The following GPR137B variants were observed in gnomAD, a reference collection of about 807,000 sequenced individuals.
GPR137B encodes the protein integral membrane protein GPR137B.
GPR137B carries 42 observed loss-of-function variants against 42.5 expected under a neutral mutation model. That is an observed-to-expected ratio of 0.99 (90% CI 0.77 to 1.28). The LOEUF (loss-of-function observed/expected upper bound fraction) is 1.28. GPR137B is among the 50% of genes most tolerant of loss of function. The probability of loss-of-function intolerance (pLI) is 0.00; values close to 1 mark genes in which losing one functional copy is unlikely to be tolerated. For missense variants in GPR137B, 487 were observed against 493.9 expected (o/e 0.99, Z 0.13); for synonymous variants, 218 against 209.7 (o/e 1.04, Z -0.34).
intron 5 of GPR137B, among the ~76,000 whole-genome samples, chr1:236,201,818 T>C (rs574201425): frequency 3.0e-4 from 46 of 152,208 alleles, no homozygotes; most frequent in African/African-American, 1.1e-3. Context: ...AGCCTTGTTA[T>C]AGAACCTTGT....
intron 1 of GPR137B, among the ~76,000 whole-genome samples, chr1:236,144,870 T>C (rs1331537584): frequency 6.6e-6 from 1 of 152,156 alleles, no homozygotes; most frequent in Non-Finnish European, 1.5e-5. Flanking sequence ...GCCACAGCTC[T>C]CTGGTAATCA....
intron 1 of GPR137B, among the ~76,000 whole-genome samples, chr1:236,164,184 A>C (rs1184124387): frequency 6.6e-6 from 1 of 152,132 alleles, no homozygotes; most frequent in Non-Finnish European, 1.5e-5. Flanking sequence ...CCTTTTTACA[A>C]TTCTTGGGTC....
At chr1:236,186,249 T>C (rs1469111778) in intron 5 of GPR137B, among the ~76,000 whole-genome samples, 58 of 44,442 alleles carry the variant, frequency 1.3e-3, no homozygotes, top group Non-Finnish European at 2.0e-3. Context: ...ATATAAATAA[T>C]ATATAATATA....
chr1:236,158,135 C>T (rs1662086172), intron 1 of GPR137B, among the ~76,000 whole-genome samples: 1 of 152,132 alleles, frequency 6.6e-6, no homozygotes, highest in African/African-American at 2.4e-5. Context: ...TATTAAACCA[C>T]AGCTGGGGCT....
intron 6 of GPR137B, among the ~76,000 whole-genome samples, chr1:236,205,537 A>C (rs975378495): frequency 4.6e-5 from 7 of 152,088 alleles, no homozygotes; most frequent in African/African-American, 1.7e-4. Context: ...AGGAAATGAT[A>C]ATCAACTTTT....
intron 5 of GPR137B, among the ~76,000 whole-genome samples, chr1:236,185,529 G>C (rs1332408040): frequency 6.6e-6 from 1 of 152,204 alleles, no homozygotes; most frequent in Non-Finnish European, 1.5e-5. Context: ...TGATCTGAAT[G>C]AACTGTAAAG....
At chr1:236,158,118 TTTTA>T (rs1411232874) in intron 1 of GPR137B, among the ~76,000 whole-genome samples, 3 of 152,112 alleles carry the variant, frequency 2.0e-5, no homozygotes, top group Admixed American at 2.0e-4. Flanking sequence ...GCTGTGTCAT[TTTTA>T]TTTATTAAAC....
Position 236,155,477 on chromosome 1 carries a change from G to A in GPR137B, c.414+12441G>A, listed in dbSNP as rs1216837130. On this transcript the variant is annotated intron_variant, in intron 1 of 6. Coordinates refer to ENST00000366592, the MANE Select transcript of GPR137B (RefSeq NM_003272.4). The surrounding 1 kb of genome is among the most constrained non-coding windows in gnomAD (Gnocchi z 4.6). ...CAGAAAAGCAGGGAGACTGAAGGAC[G>A]GCGTTTGGTGTGGCTTTAGGTTGAC... is the stretch of plus-strand genomic sequence containing the variant. Among the ~76,000 whole-genome samples the A allele has an allele frequency of 2.0e-5, 3 of 152,330 alleles. No homozygotes were observed. The highest frequency in any genetic ancestry group is 7.2e-5 in the African/African-American group (3 of 41,584).
Position 236,178,545 on chromosome 1 carries a change from A to G in GPR137B, c.596A>G (p.Asp199Gly). 6.2e-7 allele frequency: 1 copy of G among 1,613,332 alleles called. No individual in the cohort carries two copies. The highest frequency in any genetic ancestry group is 1.1e-5 in the South Asian group (1 of 91,044). ...VIVSVRVAIN[D>G]TLFVLCAVSL... Reference sequence around the variant, plus strand: ...GTCTCTGTGCGAGTGGCCATTAATGACACGCTCTTCGTGCTGTGTGCCGTC... The same window carrying G: ...GTCTCTGTGCGAGTGGCCATTAATGGCACGCTCTTCGTGCTGTGTGCCGTC... Residue 199 changes from aspartate to glycine, a missense_variant, in exon 3 of 7, where the codon GAC becomes GGC. Transcript: ENST00000366592.
At chr1:236,154,842 C>T (rs1330358685) in intron 1 of GPR137B, among the ~76,000 whole-genome samples, 1 of 152,186 alleles carries the variant, frequency 6.6e-6, no homozygotes, top group African/African-American at 2.4e-5. Flanking sequence ...GGCCCGGGAC[C>T]CTCCTGCCAT....
intron 5 of GPR137B, among the ~76,000 whole-genome samples, chr1:236,194,864 G>A (rs1331531203): frequency 6.6e-6 from 1 of 152,160 alleles, no homozygotes; most frequent in Non-Finnish European, 1.5e-5. Context: ...AATGGGATGA[G>A]AAATCCTCCC....
At position 236,156,446 on chromosome 1, in the gene GPR137B, C is replaced by T. The variant is rs1428740666; in HGVS notation, c.415-12260C>T. On this transcript the variant is annotated intron_variant, in intron 1 of 6. Transcript: ENST00000366592. The surrounding 1 kb of genome is among the most constrained non-coding windows in gnomAD (Gnocchi z 4.8). The stretch of plus-strand genomic sequence containing the variant: ...TACCTTCACTGCCACGGACACAGGA[C>T]TATGAGTGGGGCTGTGGTGGTGGTT... Among the ~76,000 whole-genome samples, 1 of 152,212 alleles carries T rather than the reference C, an allele frequency of 6.6e-6. No homozygotes were observed. Among genetic ancestry groups the T allele is most frequent in the Non-Finnish European group, 1.5e-5 (1 of 68,042 alleles).
At chr1:236,166,332 G>A (rs1183322116) in intron 1 of GPR137B, among the ~76,000 whole-genome samples, 1 of 151,210 alleles carries the variant, frequency 6.6e-6, no homozygotes, top group African/African-American at 2.4e-5. Context: ...AAATACCAAA[G>A]GTGACGTGTC....
At chr1:236,203,867 A>G (rs1465780977) in intron 5 of GPR137B, among the ~76,000 whole-genome samples, 1 of 152,148 alleles carries the variant, frequency 6.6e-6, no homozygotes, top group Non-Finnish European at 1.5e-5. Context: ...ATTAGTTCTC[A>G]TACTTTTTGT....
intron 5 of GPR137B, among the ~76,000 whole-genome samples, chr1:236,190,942 A>G (rs1425257586): frequency 6.6e-6 from 1 of 152,160 alleles, no homozygotes; most frequent in African/African-American, 2.4e-5. Flanking sequence ...GTGTTTTCCA[A>G]CTTGGTTCCA....
intron 1 of GPR137B, among the ~76,000 whole-genome samples, chr1:236,159,244 A>T (rs190705901): frequency 2.6e-5 from 4 of 152,166 alleles, no homozygotes; most frequent in African/African-American, 9.7e-5. Flanking sequence ...GCCCAGGAAG[A>T]TGGAGGCTGC....
At chr1:236,164,946 C>T (rs888317743) in intron 1 of GPR137B, among the ~76,000 whole-genome samples, 14 of 151,282 alleles carry the variant, frequency 9.3e-5, no homozygotes, top group African/African-American at 3.2e-4. Context: ...CTCTTGTTGC[C>T]CAGGCTGGAG....
intron 5 of GPR137B, among the ~76,000 whole-genome samples, chr1:236,187,409 C>T (rs1411386768): frequency 6.6e-6 from 1 of 152,102 alleles, no homozygotes; most frequent in Non-Finnish European, 1.5e-5. Flanking sequence ...TTTGCCCATG[C>T]CTATGTCCTG....
chr1:236,176,392 A>G (rs1264220480), intron 2 of GPR137B, among the ~76,000 whole-genome samples: 1 of 152,010 alleles, frequency 6.6e-6, no homozygotes, highest in East Asian at 1.9e-4. Flanking sequence ...CCCCTCCTGC[A>G]TGTCCGACTC....
Sources: allele counts gnomAD v4.1 joint callset (sites outside exome capture counted in the v4.1 genomes callset), GRCh38; gene constraint gnomAD v4.1.1; non-coding constraint Gnocchi (gnomAD v3.1); transcripts MANE v1.5; gene names NCBI Gene and HGNC (gene_info 2026-07-23, HGNC 2026-07-21).